Variants in KIAA0825 observed in about 807,000 individuals in gnomAD.
The protein encoded by KIAA0825 is KIAA0825.
A neutral mutation model predicts 147.6 loss-of-function variants in KIAA0825; 119 were observed. That is an observed-to-expected ratio of 0.81 (90% CI 0.69 to 0.94). The LOEUF is 0.94. Among genes scored for constraint, KIAA0825 ranks in the 40% least tolerant of loss-of-function variants. The pLI, the probability that KIAA0825 is intolerant of heterozygous loss-of-function variation, is 0.00. For missense variants in KIAA0825, 1,381 were observed against 1,472.7 expected (o/e 0.94, Z 1.02); for synonymous variants, 470 against 518.1 (o/e 0.91, Z 1.26).
intron 16 of KIAA0825, 77 bp from the exon 17 acceptor site, chr5:94,396,586 A>C (rs1033147542): frequency 8.4e-7 from 1 of 1,196,890 alleles, no homozygotes; most frequent in African/African-American, 1.6e-5. Context: ...TTGTATAAGG[A>C]TGTCTAATTT....
intron 3 of KIAA0825, among the ~76,000 whole-genome samples, chr5:94,534,722 A>C (rs1352843863): frequency 6.6e-6 from 1 of 152,186 alleles, no homozygotes; most frequent in Non-Finnish European, 1.5e-5. Flanking sequence ...CAAAAAATTA[A>C]GTATGAATGG....
chr5:94,238,341 T>C (rs1775169800), intron 20 of KIAA0825, among the ~76,000 whole-genome samples: 1 of 152,224 alleles, frequency 6.6e-6, no homozygotes, highest in Admixed American at 6.5e-5. Context: ...TGAAAATTTA[T>C]ATTAACAAAA....
intron 15 of KIAA0825, 128 bp downstream of exon 15, chr5:94,417,073 A>G: frequency 1.2e-6 from 1 of 851,216 alleles, no homozygotes; most frequent in Non-Finnish European, 1.8e-6. Flanking sequence ...ATACTGAAAA[A>G]ATGTAAGGTA....
intron 20 of KIAA0825, among the ~76,000 whole-genome samples, chr5:94,268,933 G>C (rs535647888): frequency 3.4e-4 from 51 of 152,234 alleles, no homozygotes; most frequent in Admixed American, 9.2e-4. Context: ...ACAGTGTCAT[G>C]TGCATAATAG....
chr5:94,293,678 G>C (rs1276762469), intron 20 of KIAA0825, among the ~76,000 whole-genome samples: 1 of 152,126 alleles, frequency 6.6e-6, no homozygotes, highest in Non-Finnish European at 1.5e-5. Flanking sequence ...TTAATTTTCT[G>C]TCTCATTGAT....
chr5:94,170,508 G>A (rs1223099648), intron 20 of KIAA0825, among the ~76,000 whole-genome samples: 2 of 152,146 alleles, frequency 1.3e-5, no homozygotes, highest in Non-Finnish European at 2.9e-5. Context: ...GGGAACTAAC[G>A]AGAAGTACTG....
chr5:94,212,293 G>GT (rs1353265924), intron 20 of KIAA0825, among the ~76,000 whole-genome samples: 1 of 152,096 alleles, frequency 6.6e-6, no homozygotes, highest in East Asian at 1.9e-4. Flanking sequence ...GTTTCATACA[G>GT]TTTTGTTTAT....
intron 20 of KIAA0825, among the ~76,000 whole-genome samples, chr5:94,204,684 C>T (rs1400249040): frequency 6.6e-6 from 1 of 152,102 alleles, no homozygotes; most frequent in African/African-American, 2.4e-5. Flanking sequence ...GAAGAATATA[C>T]AAAAGACAGC....
rs1183878015 is a variant in KIAA0825 at position 94,396,327 on chromosome 5, G to A, written c.3070C>T (p.Arg1024Trp). 13 of 1,550,392 alleles carry A rather than the reference G, an allele frequency of 8.4e-6. No individual in the cohort carries two copies. Among genetic ancestry groups the A allele is most frequent in the Non-Finnish European group, 1.1e-5 (13 of 1,146,554 alleles). ...ACAGTGTTTCCGTCCTCAAATATCC[G>A]ACATATAATTACAATCAAGTTCCAG... Reference protein sequence around the residue: ...LVWNLIVIICRIFEDGNTVEL... With the variant: ...LVWNLIVIICWIFEDGNTVEL... Residue 1024 changes from arginine to tryptophan, a missense_variant, in exon 17 of 21, where the codon CGG becomes TGG. Coordinates refer to ENST00000682413, the MANE Select transcript of KIAA0825 (RefSeq NM_001145678.3).
At chr5:94,465,204 T>C (rs1008515805) in intron 10 of KIAA0825, 145 bp from the exon 11 acceptor site, 1 of 657,724 alleles carries the variant, frequency 1.5e-6, no homozygotes, top group African/African-American at 1.8e-5. Flanking sequence ...TTTGACAAGA[T>C]GTAAAACATC....
chr5:94,508,778 G>A (rs755866177), intron 5 of KIAA0825, among the ~76,000 whole-genome samples: 6 of 152,130 alleles, frequency 3.9e-5, no homozygotes, highest in Non-Finnish European at 7.4e-5. Context: ...CTCTATTGCC[G>A]AGCCTGGCAC....
chr5:94,505,269 G>A (rs1280898815), intron 5 of KIAA0825, among the ~76,000 whole-genome samples: 2 of 151,592 alleles, frequency 1.3e-5, no homozygotes, highest in African/African-American at 2.4e-5. Flanking sequence ...GCTGAGGCAT[G>A]AGAATTGTTT....
At chr5:94,366,158 T>C (rs1745822448) in intron 20 of KIAA0825, among the ~76,000 whole-genome samples, 1 of 152,208 alleles carries the variant, frequency 6.6e-6, no homozygotes, top group South Asian at 2.1e-4. Flanking sequence ...GGAGACTGAT[T>C]TGAGTAATAA....
intron 15 of KIAA0825, among the ~76,000 whole-genome samples, chr5:94,404,974 C>A (rs1751859415): frequency 6.6e-6 from 1 of 152,044 alleles, no homozygotes; most frequent in African/African-American, 2.4e-5. Flanking sequence ...ATTTAAGACT[C>A]CTAAGAAGAA....
chr5:94,422,420 C>T (rs147892552), intron 14 of KIAA0825, among the ~76,000 whole-genome samples: 68 of 152,294 alleles, frequency 4.5e-4, no homozygotes, highest in African/African-American at 1.6e-3. Context: ...CTGTTCATCA[C>T]ACCTAAATAT....
chr5:94,549,019 G>C (rs929104286), intron 2 of KIAA0825, among the ~76,000 whole-genome samples: 16 of 152,178 alleles, frequency 1.1e-4, no homozygotes, highest in Non-Finnish European at 1.2e-4. Flanking sequence ...GCATAGGACA[G>C]ATCTTACAAA....
At chr5:94,203,806 C>T (rs1771910273) in intron 20 of KIAA0825, among the ~76,000 whole-genome samples, 2 of 152,072 alleles carry the variant, frequency 1.3e-5, no homozygotes, top group Non-Finnish European at 2.9e-5. Flanking sequence ...CTGATTCCTT[C>T]CATCATCCTC....
rs147920943 is a variant in KIAA0825 at position 94,351,752 on chromosome 5, A to G, written c.3710+32616T>C. Among the ~76,000 whole-genome samples the G allele has an allele frequency of 6.7e-3, 1,021 of 152,332 alleles. 5 individuals are homozygous for G. Among genetic ancestry groups the G allele is most frequent in the African/African-American group, 0.016 (682 of 41,568 alleles). On this transcript the variant is annotated intron_variant, in intron 20 of 20. Coordinates refer to ENST00000682413, the MANE Select transcript of KIAA0825 (RefSeq NM_001145678.3). ...GGTACAAAAATAGGCACATAGCCCAATGGAACAGAATAAATAACCCAGAAA... is the reference window on the plus strand; with the variant it reads ...GGTACAAAAATAGGCACATAGCCCAGTGGAACAGAATAAATAACCCAGAAA...
intron 2 of KIAA0825, among the ~76,000 whole-genome samples, chr5:94,538,145 C>T (rs12332301): frequency 0.17 from 26,572 of 152,094 alleles, 3,564 homozygotes; most frequent in African/African-American, 0.38. Flanking sequence ...GTGGGGAAGA[C>T]AGATTTTTTA....
Sources: allele counts gnomAD v4.1 joint callset (sites outside exome capture counted in the v4.1 genomes callset), GRCh38; gene constraint gnomAD v4.1.1; transcripts MANE v1.5; gene names NCBI Gene and HGNC (gene_info 2026-07-23, HGNC 2026-07-21).